VWA3A: variants seen among roughly 807,000 people sequenced by gnomAD.
The protein encoded by VWA3A is von Willebrand factor A domain containing 3A.
VWA3A carries 134 observed loss-of-function variants against 160.4 expected under a neutral mutation model. The ratio of observed to expected loss-of-function variants is 0.84; its 90% confidence interval spans 0.73 to 0.96. VWA3A has a LOEUF of 0.96. Among genes scored for constraint, VWA3A ranks in the 40% least tolerant of loss-of-function variants. The pLI is 0.00. For synonymous variants in VWA3A, 476 were observed against 543.4 expected, an observed-to-expected ratio of 0.88 and a Z score of 1.72; for missense variants, 1,310 against 1,447.9, an observed-to-expected ratio of 0.90 and a Z score of 1.55.
Position 22,133,096 on chromosome 16 carries a change from G to T in VWA3A, c.2068+1G>T. 6.2e-7 allele frequency: 1 copy of T among 1,610,516 alleles called. No homozygotes were observed. The highest frequency in any genetic ancestry group is 8.5e-7 in the Non-Finnish European group (1 of 1,178,472). ...CGCTTCCACTGGTTTGGAGACACAGGTACATGACTGTTTCCTCATCCCTTC... is the reference window on the plus strand; with the variant it reads ...CGCTTCCACTGGTTTGGAGACACAGTTACATGACTGTTTCCTCATCCCTTC... On this transcript the variant is annotated splice_donor_variant, in intron 20 of 33. Coordinates refer to ENST00000389398, the MANE Select transcript of VWA3A (RefSeq NM_173615.5). LOFTEE classifies it high-confidence loss of function.
intron 22 of VWA3A, among the ~76,000 whole-genome samples, chr16:22,139,470 C>A (rs528897796): frequency 6.6e-6 from 1 of 152,006 alleles, no homozygotes; most frequent in African/African-American, 2.4e-5. Flanking sequence ...CCAAGGCAGG[C>A]GGATCATGAG....
In VWA3A at chr16:22,148,147, C is replaced by T; in HGVS notation, c.2840-15C>T. On this transcript the variant is annotated splice_polypyrimidine_tract_variant and intron_variant, in intron 27 of 33. Transcript: ENST00000389398. ...TCACTCCCTCCCTGCCTCTTCCCCA[C>T]CTGTCTCGGAGCAGGGAGCCGCCGA... 4.4e-6 allele frequency: 7 copies of T among 1,588,984 alleles called. No individual in the cohort carries two copies. Among genetic ancestry groups the T allele is most frequent in the Non-Finnish European group, 6.0e-6 (7 of 1,167,820 alleles).
At chr16:22,094,686 T>C (rs1331874306) in intron 1 of VWA3A, among the ~76,000 whole-genome samples, 1 of 152,054 alleles carries the variant, frequency 6.6e-6, no homozygotes, top group Non-Finnish European at 1.5e-5. Context: ...CAAGGCAGGT[T>C]GGGCGTGGTG....
intron 27 of VWA3A, among the ~76,000 whole-genome samples, chr16:22,147,944 T>A (rs994127032): frequency 6.6e-6 from 1 of 152,024 alleles, no homozygotes; most frequent in Admixed American, 6.6e-5. Context: ...AATCTCGATC[T>A]CCCAAAGCCC....
At chr16:22,154,632 G>A (rs1010499076) in intron 31 of VWA3A, among the ~76,000 whole-genome samples, 89 of 151,968 alleles carry the variant, frequency 5.9e-4, no homozygotes, top group Non-Finnish European at 8.5e-4. Context: ...GATAGGTGGC[G>A]AAATTTTATT....
chr16:22,127,127 T>G (rs1165786291), intron 17 of VWA3A, among the ~76,000 whole-genome samples: 2 of 150,436 alleles, frequency 1.3e-5, no homozygotes, highest in Non-Finnish European at 2.9e-5. Flanking sequence ...AGTTTGTTTT[T>G]GGTTTTGTTT....
intron 20 of VWA3A, 71 bp from the exon 21 acceptor site, chr16:22,134,297 T>C (rs1360152152): frequency 7.1e-7 from 1 of 1,400,202 alleles, no homozygotes; most frequent in African/African-American, 1.4e-5. Flanking sequence ...CTTTCTAGTA[T>C]CCAGATGATG....
intron 5 of VWA3A, among the ~76,000 whole-genome samples, chr16:22,101,355 C>G (rs544538006): frequency 6.6e-6 from 1 of 152,136 alleles, no homozygotes; most frequent in Non-Finnish European, 1.5e-5. Flanking sequence ...AAATTGATTG[C>G]GTTCATAACT....
Position 22,133,798 on chromosome 16 carries a change from A to G in VWA3A, c.2069-570A>G, listed in dbSNP as rs545048824. ...CCAGTTCAAGACCATCCTGGGCAAC[A>G]TAGCAAGATTCTGCCTTTACAAAAA... On this transcript the variant is annotated intron_variant, in intron 20 of 33. Transcript: ENST00000389398. 3.9e-5 allele frequency among the ~76,000 whole-genome samples: 6 copies of G among 152,264 alleles called. No homozygotes were observed. In the South Asian group the frequency reaches 1.2e-3, roughly 32 times the overall value.
At chr16:22,138,308 T>C (rs2046080814) in intron 21 of VWA3A, 52 bp from the exon 22 acceptor site, 1 of 1,538,856 alleles carries the variant, frequency 6.5e-7, no homozygotes, top group Admixed American at 2.0e-5. Flanking sequence ...TGTGTGTGTG[T>C]GTGTGTCCAC....
At chr16:22,111,185 C>T (rs1170377903) in intron 8 of VWA3A, among the ~76,000 whole-genome samples, 191 bp downstream of exon 8, 2 of 152,100 alleles carry the variant, frequency 1.3e-5, no homozygotes, top group Non-Finnish European at 2.9e-5. Flanking sequence ...CATAAACTGA[C>T]AGATAAGGTG....
intron 6 of VWA3A, among the ~76,000 whole-genome samples, chr16:22,107,904 A>G (rs965098266): frequency 6.6e-6 from 1 of 152,170 alleles, no homozygotes; most frequent in Non-Finnish European, 1.5e-5. Flanking sequence ...AGGAAAGGAA[A>G]TTAAGAAAAT....
At chr16:22,123,225 G>T (rs2045778482) in intron 15 of VWA3A, 60 bp downstream of exon 15, 20 of 1,483,834 alleles carry the variant, frequency 1.3e-5, no homozygotes, top group Non-Finnish European at 1.7e-5. Context: ...CGGGAGGAAG[G>T]TTCCCTGGGC....
chr16:22,130,043 T>TG (rs1476279949), intron 17 of VWA3A, among the ~76,000 whole-genome samples: 1 of 151,972 alleles, frequency 6.6e-6, no homozygotes, highest in African/African-American at 2.4e-5. Context: ...CAAAAATCAG[T>TG]GGGTCTCAGC....
At chr16:22,103,711 C>T (rs1007228573) in intron 6 of VWA3A, among the ~76,000 whole-genome samples, 182 bp downstream of exon 6, 4 of 152,178 alleles carry the variant, frequency 2.6e-5, no homozygotes, top group Admixed American at 6.5e-5. Context: ...GATGATGTCA[C>T]CTCTATGCCT....
Position 22,118,718 on chromosome 16 carries a change from T to C in VWA3A, c.991-184T>C, listed in dbSNP as rs1158278017. Among the ~76,000 whole-genome samples, 3 of 152,020 alleles carry C rather than the reference T, an allele frequency of 2.0e-5. No homozygotes were observed. In the East Asian group the frequency reaches 5.8e-4, roughly 29 times the overall value. On this transcript the variant is annotated intron_variant, in intron 11 of 33. Transcript: ENST00000389398. ...AAACAAACAAAACACAACAGGCCAA[T>C]TGCACAAACGGAGCACAGCATGTCT...
intron 13 of VWA3A, 105 bp downstream of exon 13, chr16:22,121,208 G>A: frequency 1.3e-6 from 2 of 1,533,236 alleles, no homozygotes; most frequent in Non-Finnish European, 1.8e-6. Flanking sequence ...CACTTTGGGA[G>A]GCCAAGAAGG....
At chr16:22,134,462 G>T in intron 21 of VWA3A, 24 bp downstream of exon 21, 1 of 1,563,056 alleles carries the variant, frequency 6.4e-7, no homozygotes, top group Non-Finnish European at 8.7e-7. Flanking sequence ...ATGGGCCAAT[G>T]ACTGCACTGC....
At chr16:22,118,838 C>G (rs2045687299) in intron 11 of VWA3A, 64 bp from the exon 12 acceptor site, 1 of 1,600,754 alleles carries the variant, frequency 6.2e-7, no homozygotes, top group African/African-American at 1.3e-5. Flanking sequence ...CTTGCCCCTT[C>G]CTGGGTTGAC....
Sources: allele counts gnomAD v4.1 joint callset (sites outside exome capture counted in the v4.1 genomes callset), GRCh38; gene constraint gnomAD v4.1.1; transcripts MANE v1.5; gene names NCBI Gene and HGNC (gene_info 2026-07-23, HGNC 2026-07-21).